The following MATN2 variants were observed in gnomAD, a reference collection of about 807,000 sequenced individuals.
MATN2 encodes matrilin 2.
Under a neutral mutation model 103.2 loss-of-function variants are expected in MATN2, and 69 were observed. The observed-to-expected ratio is 0.67, with a 90% CI of 0.55 to 0.82. The LOEUF is 0.82. Ranked by LOEUF, MATN2 falls within the 40% of genes least tolerant of loss-of-function variation. The probability of loss-of-function intolerance (pLI) is 0.00; values close to 1 mark genes in which losing one functional copy is unlikely to be tolerated. For synonymous variants in MATN2, 429 were observed against 450.2 expected (o/e 0.95, Z 0.60); for missense variants, 1,023 against 1,211.5 (o/e 0.84, Z 2.31).
At chr8:97,932,589 A>G (rs1810234275) in intron 3 of MATN2, among the ~76,000 whole-genome samples, 1 of 152,120 alleles carries the variant, frequency 6.6e-6, no homozygotes, top group African/African-American at 2.4e-5. Flanking sequence ...CTTTCCAGTT[A>G]TCTCTACCCC....
rs1222137733 is a variant in MATN2, at chr8:98,035,862, G to A, written c.*150G>A. ...GAAACCTGGTTTGCCACAGAACAAA[G>A]ACAAGAAGTATACACTAACTTGTAT... On this transcript the variant is annotated 3_prime_UTR_variant, in exon 19 of 19. Coordinates refer to ENST00000254898, the MANE Select transcript of MATN2 (RefSeq NM_002380.5). 4 of 451,628 alleles carry A rather than the reference G, an allele frequency of 8.9e-6. No individual in the cohort carries two copies. Among genetic ancestry groups the A allele is most frequent in the Non-Finnish European group, 1.2e-5 (3 of 250,488 alleles). The allele number at this position is 451,628 out of a possible 1,614,324, so 28.0% of individuals were successfully genotyped here. A position where few individuals can be genotyped will look rare whatever the true frequency, so the allele number is the denominator to read the frequency against.
At position 97,869,289 on chromosome 8, in the gene MATN2, T is replaced by C. The variant is rs2129904518; in HGVS notation, c.-27+2T>C. 1 of 152,170 alleles carries C rather than the reference T, an allele frequency of 6.6e-6. No homozygotes were observed. Among genetic ancestry groups the C allele is most frequent in the Non-Finnish European group, 1.5e-5 (1 of 68,026 alleles). 9.4% of individuals were successfully genotyped at this position (152,170 alleles called of 1,614,324 possible). A position where few individuals can be genotyped will look rare whatever the true frequency, so the allele number is the denominator to read the frequency against. On this transcript the variant is annotated splice_donor_variant, in intron 1 of 18. Transcript: ENST00000254898. LOFTEE classifies it low-confidence loss of function (5UTR_SPLICE). Reference sequence around the variant, plus strand: ...CTTCCCAGGCGCCGGCGGCTGCAGGTGAGCGCGGCGCGCTTTCCCCCGGCT... The same window carrying C: ...CTTCCCAGGCGCCGGCGGCTGCAGGCGAGCGCGGCGCGCTTTCCCCCGGCT...
chr8:97,993,950 T>C (rs554526528), intron 6 of MATN2, among the ~76,000 whole-genome samples: 1 of 152,138 alleles, frequency 6.6e-6, no homozygotes, highest in African/African-American at 2.4e-5. Context: ...CAAATTTGTT[T>C]GTTGCATAAA....
intron 2 of MATN2, among the ~76,000 whole-genome samples, chr8:97,923,659 C>T (rs1297545162): frequency 1.3e-5 from 2 of 152,134 alleles, no homozygotes; most frequent in South Asian, 2.1e-4. Flanking sequence ...CAGGTTCAAG[C>T]GATTCTCCTG....
intron 7 of MATN2, among the ~76,000 whole-genome samples, chr8:98,000,604 A>AAAAAAAAAAAAAAAAAAAG (rs1554613598): frequency 7.9e-6 from 1 of 127,204 alleles, no homozygotes; most frequent in Non-Finnish European, 1.7e-5. Flanking sequence ...CTCAAAAAAA[A>AAAAAAAAAAAAAAAAAAAG]AAAAAAGAAA....
intron 4 of MATN2, among the ~76,000 whole-genome samples, chr8:97,959,119 T>A (rs1811228326): frequency 6.6e-6 from 1 of 152,204 alleles, no homozygotes; most frequent in Admixed American, 6.5e-5. Flanking sequence ...ATGTCCTACC[T>A]CGCATGTTAG....
At chr8:98,031,029 A>G (rs924696240) in intron 15 of MATN2, among the ~76,000 whole-genome samples, 1 of 152,162 alleles carries the variant, frequency 6.6e-6, no homozygotes, top group Non-Finnish European at 1.5e-5. Flanking sequence ...AGGGCCAGCA[A>G]TGCCTAGAAA....
intron 4 of MATN2, among the ~76,000 whole-genome samples, chr8:97,960,955 C>G (rs1372863027): frequency 6.6e-6 from 1 of 152,172 alleles, no homozygotes; most frequent in Non-Finnish European, 1.5e-5. Context: ...GCTGGGATTA[C>G]AAGCACACAC....
intron 2 of MATN2, 100 bp downstream of exon 2, chr8:97,888,342 C>G (rs1254544538): frequency 3.0e-6 from 4 of 1,327,068 alleles, no homozygotes; most frequent in Non-Finnish European, 3.9e-6. Flanking sequence ...TTTCCTTTCC[C>G]TGGGTCCTTG....
At chr8:98,033,994 G>C (rs1240035753) in intron 18 of MATN2, among the ~76,000 whole-genome samples, 2 of 152,120 alleles carry the variant, frequency 1.3e-5, no homozygotes, top group African/African-American at 2.4e-5. Flanking sequence ...ACATGATGAG[G>C]TCTGAAGTGC....
In MATN2 at chr8:97,998,291, C is replaced by T. The variant is rs201769157; in HGVS notation, c.1204+3689C>T. Among the ~76,000 whole-genome samples, 40 of 150,578 alleles carry T rather than the reference C, an allele frequency of 2.7e-4. No homozygotes were observed. In the East Asian group the frequency reaches 2.9e-3, roughly 11 times the overall value. On this transcript the variant is annotated intron_variant, in intron 7 of 18. Coordinates refer to ENST00000254898, the MANE Select transcript of MATN2 (RefSeq NM_002380.5). The stretch of plus-strand genomic sequence containing the variant: ...ATCCCAGCACTTTGGGAGGCCGAGG[C>T]GGGCGGATCACAAGGTCAGGAGATC...
chr8:97,877,006 C>CTT (rs33986645), intron 1 of MATN2, among the ~76,000 whole-genome samples: 66 of 117,152 alleles, frequency 5.6e-4, no homozygotes, highest in Middle Eastern at 4.3e-3. Context: ...ATTCACACTT[C>CTT]TTTTTTTTTT....
At chr8:97,959,357 C>T (rs900522988) in intron 4 of MATN2, among the ~76,000 whole-genome samples, 9 of 152,270 alleles carry the variant, frequency 5.9e-5, no homozygotes, top group East Asian at 3.9e-4. Flanking sequence ...GCGCTCAAAC[C>T]GTATTTATTG....
intron 1 of MATN2, among the ~76,000 whole-genome samples, chr8:97,881,638 A>G (rs777520509): frequency 1.3e-5 from 2 of 152,228 alleles, no homozygotes; most frequent in African/African-American, 2.4e-5. Context: ...CAGCACAGAA[A>G]TTCTTCTCAG....
intron 13 of MATN2, chr8:98,025,205 G>C (rs998978906): frequency 6.6e-6 from 1 of 152,154 alleles, no homozygotes; most frequent in Non-Finnish European, 1.5e-5. Context: ...TCGATAGGTT[G>C]AGTGATGAGG....
intron 15 of MATN2, 176 bp from the exon 16 acceptor site, chr8:98,032,070 G>C: frequency 1.8e-6 from 1 of 567,622 alleles, no homozygotes; most frequent in Admixed American, 3.2e-5. Context: ...CCCTAGAGTG[G>C]TCATAAGTAT....
chr8:97,904,597 C>A (rs1819099162), intron 2 of MATN2, among the ~76,000 whole-genome samples: 1 of 152,120 alleles, frequency 6.6e-6, no homozygotes, highest in African/African-American at 2.4e-5. Flanking sequence ...TGTGAAAAAG[C>A]CGTACAGTTT....
At chr8:97,885,794 G>A (rs924668683) in intron 1 of MATN2, among the ~76,000 whole-genome samples, 1 of 152,220 alleles carries the variant, frequency 6.6e-6, no homozygotes, top group African/African-American at 2.4e-5. Flanking sequence ...GTGAGACCCT[G>A]TCTCAAAAAA....
At chr8:98,013,385 C>G (rs1813240769) in intron 10 of MATN2, among the ~76,000 whole-genome samples, 1 of 152,178 alleles carries the variant, frequency 6.6e-6, no homozygotes, top group South Asian at 2.1e-4. Context: ...CCACACATCC[C>G]ATGGGGTTCT....
Sources: allele counts gnomAD v4.1 joint callset (sites outside exome capture counted in the v4.1 genomes callset), GRCh38; gene constraint gnomAD v4.1.1; transcripts MANE v1.5; gene names NCBI Gene and HGNC (gene_info 2026-07-23, HGNC 2026-07-21).